The following CDH18 variants were observed in gnomAD, a reference collection of about 807,000 sequenced individuals.
CDH18 encodes cadherin 18, also known as cadherin-18.
Under a neutral mutation model 67.9 loss-of-function variants are expected in CDH18, and 31 were observed. The observed-to-expected ratio is 0.46, with a 90% CI of 0.34 to 0.62. The LOEUF (loss-of-function observed/expected upper bound fraction) is 0.62, where lower values mean the gene tolerates loss of function less well. Ranked by LOEUF, CDH18 falls within the 20% of genes least tolerant of loss-of-function variation. The probability of loss-of-function intolerance (pLI) is 0.01; values close to 1 mark genes in which losing one functional copy is unlikely to be tolerated. For missense variants in CDH18, 890 were observed against 975.5 expected (o/e 0.91, Z 1.17); for synonymous variants, 362 against 347.2 (o/e 1.04, Z -0.48).
At chr5:19,889,021 A>G (rs1788516024) in intron 2 of CDH18, among the ~76,000 whole-genome samples, 2 of 152,240 alleles carry the variant, frequency 1.3e-5, no homozygotes, top group South Asian at 4.1e-4. Flanking sequence ...ATTTGCACAT[A>G]ATATATGCAC....
At chr5:19,716,754 T>G (rs998999455) in intron 5 of CDH18, among the ~76,000 whole-genome samples, 10 of 151,972 alleles carry the variant, frequency 6.6e-5, no homozygotes, top group Non-Finnish European at 1.2e-4. Flanking sequence ...TGTGGTATGC[T>G]CTTTGTATAT....
At chr5:20,329,526 G>A (rs1008425910) in intron 1 of CDH18, among the ~76,000 whole-genome samples, 2 of 151,966 alleles carry the variant, frequency 1.3e-5, no homozygotes, top group African/African-American at 4.8e-5. Flanking sequence ...ATTTTGGGAG[G>A]CCGAGGCAGG....
At chr5:20,406,576 T>TA (rs66596977) in intron 1 of CDH18, among the ~76,000 whole-genome samples, 21 of 150,774 alleles carry the variant, frequency 1.4e-4, no homozygotes, top group East Asian at 1.2e-3. Flanking sequence ...TAAAGTATAA[T>TA]AAAAAAAAAA....
chr5:19,969,774 G>T (rs558213926), intron 2 of CDH18, among the ~76,000 whole-genome samples: 213 of 151,686 alleles, frequency 1.4e-3, no homozygotes, highest in South Asian at 3.6e-3. Flanking sequence ...CAGCACACCA[G>T]CATGGCACAT....
chr5:20,375,107 T>C (rs554642202), intron 1 of CDH18, among the ~76,000 whole-genome samples: 2 of 152,316 alleles, frequency 1.3e-5, no homozygotes, highest in East Asian at 3.9e-4. Context: ...GTAATATCAT[T>C]AATTACCTAA....
At chr5:19,585,760 T>C (rs1438058204) in intron 7 of CDH18, among the ~76,000 whole-genome samples, 2 of 152,202 alleles carry the variant, frequency 1.3e-5, no homozygotes, top group African/African-American at 2.4e-5. Context: ...ACGTAGGTAC[T>C]AACCTTCTCC....
intron 2 of CDH18, among the ~76,000 whole-genome samples, chr5:20,252,635 T>C (rs1413859133): frequency 6.6e-6 from 1 of 152,002 alleles, no homozygotes; most frequent in Admixed American, 6.6e-5. Context: ...CTATGTCTTA[T>C]GACATTTAAA....
chr5:19,572,024 C>T (rs1424751620), intron 7 of CDH18, among the ~76,000 whole-genome samples, 192 bp from the exon 8 acceptor site: 1 of 152,076 alleles, frequency 6.6e-6, no homozygotes, highest in Non-Finnish European at 1.5e-5. Context: ...ATAAATGGAA[C>T]CTCAGCATTT....
chr5:19,686,195 A>G (rs1220326874), intron 5 of CDH18, among the ~76,000 whole-genome samples: 1 of 152,146 alleles, frequency 6.6e-6, no homozygotes, highest in East Asian at 1.9e-4. Context: ...CAAAGTAAAA[A>G]TCATAGGACT....
chr5:20,431,508 A>G (rs1354290171), intron 1 of CDH18, among the ~76,000 whole-genome samples: 2 of 140,140 alleles, frequency 1.4e-5, no homozygotes, highest in African/African-American at 2.6e-5. Context: ...AAAAAAAAAG[A>G]AGAAGAAAAG....
At chr5:19,988,413 A>T (rs994695556), upstream of CDH18, among the ~76,000 whole-genome samples, 3 of 151,010 alleles carry the variant, frequency 2.0e-5, no homozygotes, top group South Asian at 4.2e-4. Flanking sequence ...TTGGGGCTGC[A>T]CAAATTCCAC....
chr5:19,899,783 C>T (rs1233931436), intron 2 of CDH18, among the ~76,000 whole-genome samples: 1 of 152,006 alleles, frequency 6.6e-6, no homozygotes, highest in African/African-American at 2.4e-5. Flanking sequence ...AAGCCATATG[C>T]CACAACGTGG....
intron 1 of CDH18, among the ~76,000 whole-genome samples, chr5:20,393,827 A>G (rs1745064604): frequency 6.6e-6 from 1 of 151,944 alleles, no homozygotes; most frequent in Non-Finnish European, 1.5e-5. Flanking sequence ...ACAATTCAAC[A>G]CCTAGGAATA....
At chr5:19,500,435 G>A (rs1743051416) in intron 11 of CDH18, among the ~76,000 whole-genome samples, 1 of 152,106 alleles carries the variant, frequency 6.6e-6, no homozygotes, top group South Asian at 2.1e-4. Context: ...TTTAAGAACT[G>A]AGGCTCAGGA....
chr5:20,535,664 C>G (rs1014533377), intron 1 of CDH18, among the ~76,000 whole-genome samples: 2 of 152,068 alleles, frequency 1.3e-5, no homozygotes, highest in South Asian at 4.1e-4. Context: ...CTTCTCCCTC[C>G]CGGCTGCTGG....
chr5:19,811,096 AAG>A (rs1203927161), intron 3 of CDH18, among the ~76,000 whole-genome samples: 3 of 51,764 alleles, frequency 5.8e-5, no homozygotes, highest in African/African-American at 2.6e-4. Context: ...GAAAGAAAGA[AAG>A]AAAGAAAGAA....
At chr5:20,325,510 C>A (rs1160874255) in intron 1 of CDH18, among the ~76,000 whole-genome samples, 1 of 152,176 alleles carries the variant, frequency 6.6e-6, no homozygotes, top group South Asian at 2.1e-4. Flanking sequence ...CCTCCAACTT[C>A]ATCCACTGTG....
chr5:20,449,705 G>C (rs1295101031), intron 1 of CDH18, among the ~76,000 whole-genome samples: 2 of 151,808 alleles, frequency 1.3e-5, no homozygotes. Context: ...AAAATTTCTT[G>C]CAGATTTAGT....
intron 10 of CDH18, among the ~76,000 whole-genome samples, chr5:19,512,762 A>T (rs1745314704): frequency 6.6e-6 from 1 of 152,032 alleles, no homozygotes. Flanking sequence ...TTTATTTTTC[A>T]TCGTCTCTTT....
Sources: allele counts gnomAD v4.1 joint callset (sites outside exome capture counted in the v4.1 genomes callset), GRCh38; gene constraint gnomAD v4.1.1; transcripts MANE v1.5; gene names NCBI Gene and HGNC (gene_info 2026-07-23, HGNC 2026-07-21).